The following OPHN1 variants were observed in gnomAD, a reference collection of about 807,000 sequenced individuals.
OPHN1 encodes oligophrenin 1, also known as oligophrenin-1.
A neutral mutation model predicts 60.7 loss-of-function variants in OPHN1; 11 were observed. That is an observed-to-expected ratio of 0.18 (90% confidence interval 0.11 to 0.30). OPHN1 has a LOEUF of 0.30. OPHN1 is among the 10% of genes least tolerant of loss of function. The pLI is 1.00. For synonymous variants in OPHN1, 226 were observed against 222.6 expected, an observed-to-expected ratio of 1.02 and a Z score of -0.14; for missense variants, 449 against 611.0, an observed-to-expected ratio of 0.73 and a Z score of 2.80.
intron 2 of OPHN1, among the ~76,000 whole-genome samples, chrX:68,302,223 T>C (rs1281799938): frequency 8.9e-6 from 1 of 112,290 alleles, no homozygotes; most frequent in African/African-American, 3.2e-5. Context: ...GGGCGTATGT[T>C]TTCATTTCTC....
chrX:68,269,032 GAC>G (rs1314211248), intron 5 of OPHN1, among the ~76,000 whole-genome samples: 1 of 111,436 alleles, frequency 9.0e-6, no homozygotes, highest in Non-Finnish European at 1.9e-5. Context: ...ACTTACAAGG[GAC>G]ATGAAGGACC....
In OPHN1 at chrX:68,209,696, G is replaced by A. The variant is rs978191857; in HGVS notation, c.832+457C>T. Among the ~76,000 whole-genome samples, 4 of 112,305 alleles carry A rather than the reference G, an allele frequency of 3.6e-5. No individual in the cohort carries two copies. The East Asian group carries it at 1.1e-3, about 31-fold the overall frequency. On this transcript the variant is annotated intron_variant, in intron 9 of 24. Transcript: ENST00000355520. Reference sequence around the variant, plus strand: ...TTTAGTCCTGACACTTGTTAGTTGGGTGACTTTCAAATGGTGACGTCTCTG... The same window carrying A: ...TTTAGTCCTGACACTTGTTAGTTGGATGACTTTCAAATGGTGACGTCTCTG...
chrX:68,056,105 A>T (rs920353964), intron 21 of OPHN1, among the ~76,000 whole-genome samples: 2 of 110,257 alleles, frequency 1.8e-5, no homozygotes, highest in African/African-American at 3.3e-5. Context: ...AATATAATTT[A>T]AAAAAAAAGA....
chrX:68,100,318 C>G (rs1215765345), intron 18 of OPHN1, among the ~76,000 whole-genome samples: 1 of 110,981 alleles, frequency 9.0e-6, no homozygotes, highest in Non-Finnish European at 1.9e-5. Context: ...AAACACAAAA[C>G]TAAAAAGGAA....
At chrX:68,359,213 G>A (rs1389345312) in intron 2 of OPHN1, among the ~76,000 whole-genome samples, 1 of 111,480 alleles carries the variant, frequency 9.0e-6, no homozygotes, top group Non-Finnish European at 1.9e-5. Context: ...GATTATAGCT[G>A]TAATTTTTAA....
intron 3 of OPHN1, among the ~76,000 whole-genome samples, chrX:68,284,684 A>G (rs2078032837): frequency 9.0e-6 from 1 of 111,476 alleles, no homozygotes. Flanking sequence ...CCCAAACCCC[A>G]TTAGCATTAC....
intron 6 of OPHN1, among the ~76,000 whole-genome samples, chrX:68,230,337 A>C (rs2077721544): frequency 1.8e-5 from 2 of 111,887 alleles, no homozygotes; most frequent in South Asian, 3.8e-4. Flanking sequence ...TAGTTCAACC[A>C]TTGTGGAAGG....
In OPHN1 at chrX:68,119,297, T is replaced by C. The variant is rs370209377; in HGVS notation, c.1312A>G (p.Ser438Gly). Residue 438 changes from serine to glycine, a missense_variant, in exon 16 of 25, where the codon AGT becomes GGT. Physicochemically the swap from Ser to Gly is moderately conservative, Grantham distance 56 (BLOSUM62 0). Around this residue, in one of 4 missense-constraint regions of OPHN1, gnomAD observed 166 missense variants for 278.4 expected, o/e 0.60. Coordinates refer to ENST00000355520, the MANE Select transcript of OPHN1 (RefSeq NM_002547.3). ...KCPGDVDFHN[S>G]DWDIKTITSS... ...GTGATTGTCTTAATGTCCCAGTCACTATTATGAAAATCAACATCTCCTGGG... is the reference window on the plus strand; with the variant it reads ...GTGATTGTCTTAATGTCCCAGTCACCATTATGAAAATCAACATCTCCTGGG... 4.4e-5 allele frequency: 53 copies of C among 1,203,444 alleles called. No individual in the cohort carries two copies. Among genetic ancestry groups the C allele is most frequent in the Non-Finnish European group, 5.8e-5 (52 of 889,471 alleles).
At chrX:68,073,928 G>A (rs941026961) in intron 19 of OPHN1, among the ~76,000 whole-genome samples, 19 of 112,339 alleles carry the variant, frequency 1.7e-4, no homozygotes, top group African/African-American at 6.2e-4. Flanking sequence ...TCAATAAAAA[G>A]TAAAATAAAA....
intron 6 of OPHN1, among the ~76,000 whole-genome samples, chrX:68,229,383 G>T (rs1413451700): frequency 1.8e-5 from 2 of 111,728 alleles, no homozygotes; most frequent in African/African-American, 6.5e-5. Flanking sequence ...AGCTACCAAT[G>T]ACTTTCTTCA....
chrX:68,315,859 C>T (rs899643655), intron 2 of OPHN1, among the ~76,000 whole-genome samples: 4 of 110,398 alleles, frequency 3.6e-5, no homozygotes, highest in African/African-American at 1.3e-4. Flanking sequence ...ACCAAGGAGA[C>T]AAAAGACTTG....
Position 68,101,608 on chromosome X carries a change from T to C in OPHN1, c.1527-4579A>G, listed in dbSNP as rs1429477462. ...CTCAGGTAAAAGTCAGAGGGGCTCC[T>C]GTAAGTTTCAGCTAACATTATCTCC... On this transcript the variant is annotated intron_variant, in intron 18 of 24. Transcript: ENST00000355520. Among the ~76,000 whole-genome samples, 5 of 112,272 alleles carry C rather than the reference T, an allele frequency of 4.5e-5. No homozygotes were observed. In the East Asian group the frequency reaches 1.4e-3, roughly 31 times the overall value.
chrX:68,362,374 T>C (rs1046980476), intron 2 of OPHN1, among the ~76,000 whole-genome samples: 2 of 111,344 alleles, frequency 1.8e-5, no homozygotes, highest in Non-Finnish European at 3.8e-5. Context: ...TGAGAAGAGA[T>C]TGGGAAGATG....
chrX:68,050,898 T>C (rs777171537), intron 23 of OPHN1, among the ~76,000 whole-genome samples: 1 of 112,796 alleles, frequency 8.9e-6, no homozygotes, highest in South Asian at 3.7e-4. Context: ...TTAAGCTTAC[T>C]TAAAAAACTT....
chrX:68,122,648 T>C (rs2077155127), intron 15 of OPHN1, among the ~76,000 whole-genome samples: 1 of 110,495 alleles, frequency 9.1e-6, no homozygotes, highest in Non-Finnish European at 1.9e-5. Flanking sequence ...AACAAAGACA[T>C]TGAAATAATT....
intron 5 of OPHN1, among the ~76,000 whole-genome samples, chrX:68,237,322 AT>A (rs1476330285): frequency 9.0e-6 from 1 of 111,694 alleles, no homozygotes; most frequent in African/African-American, 3.3e-5. Context: ...TGCCTTTGAC[AT>A]TTTTTTCTAT....
intron 4 of OPHN1, 103 bp downstream of exon 4, chrX:68,282,953 G>A: frequency 1.6e-6 from 1 of 627,566 alleles, no homozygotes; most frequent in East Asian, 3.5e-5. Flanking sequence ...GAAGCTATCT[G>A]ACAGAAATCA....
At chrX:68,161,004 TAC>T (rs1186836932) in intron 15 of OPHN1, among the ~76,000 whole-genome samples, 1 of 110,346 alleles carries the variant, frequency 9.1e-6, no homozygotes, top group Non-Finnish European at 1.9e-5. Flanking sequence ...AATCTTTGGC[TAC>T]AGTGACCGGG....
intron 15 of OPHN1, among the ~76,000 whole-genome samples, chrX:68,148,907 T>A (rs184499728): frequency 9.0e-6 from 1 of 111,413 alleles, no homozygotes; most frequent in South Asian, 3.8e-4. Context: ...AAAATATTCA[T>A]CTCTATAGCA....
Sources: allele counts gnomAD v4.1 joint callset (sites outside exome capture counted in the v4.1 genomes callset), GRCh38; gene constraint gnomAD v4.1.1; regional missense constraint gnomAD v4.1.1; transcripts MANE v1.5; gene names NCBI Gene and HGNC (gene_info 2026-07-23, HGNC 2026-07-21).